The following ARHGAP42 variants were observed in gnomAD, a reference collection of about 807,000 sequenced individuals.
The protein encoded by ARHGAP42 is rho GTPase-activating protein 42.
ARHGAP42 carries 63 observed loss-of-function variants against 125.0 expected under a neutral mutation model. The observed-to-expected ratio is 0.50, with a 90% confidence interval of 0.41 to 0.62. The LOEUF is 0.62. Among genes scored for constraint, ARHGAP42 ranks in the 20% least tolerant of loss-of-function variants. ARHGAP42 has a pLI of 0.00. For synonymous variants in ARHGAP42, 339 were observed against 351.0 expected (o/e 0.97, Z 0.38); for missense variants, 766 against 1,024.2 (o/e 0.75, Z 3.44).
chr11:100,947,367 A>G (rs911197519), intron 10 of ARHGAP42, among the ~76,000 whole-genome samples: 3 of 151,912 alleles, frequency 2.0e-5, no homozygotes, highest in Admixed American at 6.6e-5. Context: ...TGGATTTTCT[A>G]TGTAGACAAA....
intron 3 of ARHGAP42, among the ~76,000 whole-genome samples, chr11:100,858,338 G>A (rs1015222225): frequency 7.9e-5 from 12 of 152,024 alleles, no homozygotes; most frequent in Admixed American, 2.6e-4. Flanking sequence ...GATTTTTTGA[G>A]TATTAGTCCA....
intron 3 of ARHGAP42, among the ~76,000 whole-genome samples, chr11:100,824,220 G>C (rs1864461250): frequency 6.6e-6 from 1 of 152,196 alleles, no homozygotes; most frequent in Non-Finnish European, 1.5e-5. Flanking sequence ...GGGTAGCATA[G>C]AGTTAGTATT....
At chr11:100,976,019 T>TTA (rs1288296607) in intron 19 of ARHGAP42, 38 bp from the exon 20 acceptor site, 1 of 1,463,462 alleles carries the variant, frequency 6.8e-7, no homozygotes, top group African/African-American at 1.4e-5. Flanking sequence ...CAATAGATAG[T>TTA]TACAGTTGCT....
intron 4 of ARHGAP42, among the ~76,000 whole-genome samples, chr11:100,884,317 G>GTTC (rs1866032977): frequency 6.6e-6 from 1 of 151,976 alleles, no homozygotes; most frequent in African/African-American, 2.4e-5. Flanking sequence ...TGTTGTTGTT[G>GTTC]TTCTTGCTGT....
At chr11:100,732,684 G>A (rs1053562276) in intron 1 of ARHGAP42, among the ~76,000 whole-genome samples, 3 of 152,134 alleles carry the variant, frequency 2.0e-5, no homozygotes, top group Admixed American at 1.3e-4. Context: ...GTGGACACAG[G>A]CCAAGAGGCT....
intron 5 of ARHGAP42, among the ~76,000 whole-genome samples, 184 bp from the exon 6 acceptor site, chr11:100,921,306 GTGTA>G (rs1177218298): frequency 1.6e-5 from 2 of 123,532 alleles, no homozygotes; most frequent in Non-Finnish European, 3.2e-5. Context: ...TACTCCGTGT[GTGTA>G]TGTGTCTGTG....
intron 1 of ARHGAP42, among the ~76,000 whole-genome samples, chr11:100,730,758 A>G (rs1392029879): frequency 6.6e-6 from 1 of 152,250 alleles, no homozygotes; most frequent in African/African-American, 2.4e-5. Flanking sequence ...ACATCATAGA[A>G]TGTATTTACA....
In ARHGAP42 at chr11:100,745,529, C is replaced by T. The variant is rs180672900; in HGVS notation, c.155-24814C>T. On this transcript the variant is annotated intron_variant, in intron 1 of 23. Transcript: ENST00000298815. Reference sequence around the variant, plus strand: ...TGAGGCTGTTATTCTTTTCCATTTACTGAACCACTTTTCTAGCCATCCTGT... The same window carrying T: ...TGAGGCTGTTATTCTTTTCCATTTATTGAACCACTTTTCTAGCCATCCTGT... Among the ~76,000 whole-genome samples, 24 of 152,296 alleles carry T rather than the reference C, an allele frequency of 1.6e-4. No individual in the cohort carries two copies. In the East Asian group the frequency reaches 3.9e-3, roughly 25 times the overall value.
chr11:100,740,835 AT>A (rs1368626877), intron 1 of ARHGAP42, among the ~76,000 whole-genome samples: 2 of 152,084 alleles, frequency 1.3e-5, no homozygotes, highest in Admixed American at 1.3e-4. Context: ...TTACTGGATT[AT>A]TTAAAAAAAA....
intron 2 of ARHGAP42, among the ~76,000 whole-genome samples, chr11:100,778,681 G>A (rs1046004302): frequency 6.6e-6 from 1 of 151,944 alleles, no homozygotes; most frequent in African/African-American, 2.4e-5. Context: ...AAAAAAACAC[G>A]CTGCTTGAGA....
intron 3 of ARHGAP42, among the ~76,000 whole-genome samples, chr11:100,843,693 C>A (rs967135221): frequency 6.6e-6 from 1 of 151,918 alleles, no homozygotes; most frequent in Non-Finnish European, 1.5e-5. Flanking sequence ...AGAACTCAAT[C>A]CCTTTTACAA....
chr11:100,786,518 C>A (rs987708724), intron 2 of ARHGAP42, among the ~76,000 whole-genome samples: 4 of 152,062 alleles, frequency 2.6e-5, no homozygotes, highest in African/African-American at 7.2e-5. Flanking sequence ...TATACACTTA[C>A]CATATATATA....
intron 3 of ARHGAP42, among the ~76,000 whole-genome samples, chr11:100,840,929 T>G (rs752555296): frequency 6.6e-6 from 1 of 152,142 alleles, no homozygotes; most frequent in Non-Finnish European, 1.5e-5. Context: ...TTATCTTCTT[T>G]GGGCTTCAGT....
chr11:100,781,811 G>A (rs535559001), intron 2 of ARHGAP42, among the ~76,000 whole-genome samples: 2 of 152,074 alleles, frequency 1.3e-5, no homozygotes, highest in Non-Finnish European at 2.9e-5. Flanking sequence ...GTGAAGCTTG[G>A]TTTATTTTCC....
chr11:100,949,977 T>A, intron 12 of ARHGAP42, 21 bp downstream of exon 12: 1 of 1,364,612 alleles, frequency 7.3e-7, no homozygotes, highest in Non-Finnish European at 1.0e-6. Flanking sequence ...TTAATAGTTA[T>A]TTAAAATTTT....
At chr11:100,918,463 C>T (rs1207472137) in intron 5 of ARHGAP42, among the ~76,000 whole-genome samples, 2 of 152,112 alleles carry the variant, frequency 1.3e-5, no homozygotes, top group Non-Finnish European at 2.9e-5. Flanking sequence ...AACAAGTTTA[C>T]ACCTGTTGTT....
intron 2 of ARHGAP42, among the ~76,000 whole-genome samples, chr11:100,776,981 CAA>C (rs71053146): frequency 0.079 from 8,638 of 108,742 alleles, 315 homozygotes; most frequent in African/African-American, 0.18. Flanking sequence ...AACACTGTCT[CAA>C]AAAAAAAAAA....
intron 12 of ARHGAP42, among the ~76,000 whole-genome samples, chr11:100,957,780 A>T (rs747079243): frequency 6.6e-6 from 1 of 152,092 alleles, no homozygotes; most frequent in Non-Finnish European, 1.5e-5. Flanking sequence ...ATTCTACATG[A>T]TGAGCTTGTG....
chr11:100,732,937 C>A (rs1185734619), intron 1 of ARHGAP42, among the ~76,000 whole-genome samples: 1 of 152,188 alleles, frequency 6.6e-6, no homozygotes, highest in Non-Finnish European at 1.5e-5. Context: ...AATAAGGACA[C>A]ATGTTAATTA....
Sources: allele counts gnomAD v4.1 joint callset (sites outside exome capture counted in the v4.1 genomes callset), GRCh38; gene constraint gnomAD v4.1.1; transcripts MANE v1.5; gene names NCBI Gene and HGNC (gene_info 2026-07-23, HGNC 2026-07-21).